Variants in SPDL1 observed in about 807,000 individuals in gnomAD.
SPDL1 encodes the protein spindle apparatus coiled-coil protein 1.
In SPDL1, 85 loss-of-function variants were observed where a neutral mutation model predicts 79.5. The observed-to-expected ratio is 1.07, with a 90% confidence interval of 0.90 to 1.28. The LOEUF is 1.28. Among genes scored for constraint, SPDL1 ranks in the 50% most tolerant of loss-of-function variants. The pLI, the probability that SPDL1 is intolerant of heterozygous loss-of-function variation, is 0.00. For missense variants in SPDL1, 703 were observed against 697.8 expected (o/e 1.01, Z -0.08); for synonymous variants, 269 against 240.3 (o/e 1.12, Z -1.10).
At chr5:169,586,556 A>G (rs1754994124) in intron 1 of SPDL1, among the ~76,000 whole-genome samples, 1 of 152,194 alleles carries the variant, frequency 6.6e-6, no homozygotes, top group Non-Finnish European at 1.5e-5. Flanking sequence ...CATGTTCAAA[A>G]CTCAAATTCC....
In SPDL1 at chr5:169,596,628, T is replaced by G. The variant is rs1208373520; in HGVS notation, c.959T>G (p.Leu320Arg). Residue 320 changes from leucine to arginine, a missense_variant, in exon 8 of 12, where the codon CTT (leucine) becomes CGT (arginine). Transcript: ENST00000265295. ...GAATTTGAGCAGCAGGAACGGTTGC[T>G]TGCCATGTTGGAGCAGAAGAATGGT... ...QTEFEQQERL[L>R]AMLEQKNGEI... 1.2e-6 allele frequency: 2 copies of G among 1,608,502 alleles called. No homozygotes were observed. Among genetic ancestry groups the G allele is most frequent in the Non-Finnish European group, 1.7e-6 (2 of 1,178,428 alleles).
chr5:169,588,323 C>T, intron 1 of SPDL1, 71 bp from the exon 2 acceptor site: 1 of 1,066,764 alleles, frequency 9.4e-7, no homozygotes, highest in African/African-American at 1.6e-5. Context: ...AGATATGTTT[C>T]TTCTGTTATT....
chr5:169,586,227 C>G (rs967031491), intron 1 of SPDL1: 1 of 152,294 alleles, frequency 6.6e-6, no homozygotes, highest in Non-Finnish European at 1.5e-5. Context: ...CCAGAGACCT[C>G]CAGGAATTCA....
intron 8 of SPDL1, among the ~76,000 whole-genome samples, 161 bp from the exon 9 acceptor site, chr5:169,598,315 A>G (rs1021560403): frequency 1.3e-5 from 2 of 152,232 alleles, no homozygotes; most frequent in Non-Finnish European, 2.9e-5. Flanking sequence ...AGGAATGTTA[A>G]TTATTTACCT....
At chr5:169,585,016 C>CA (rs11415643) in intron 1 of SPDL1, among the ~76,000 whole-genome samples, 84,163 of 138,118 alleles carry the variant, frequency 0.61, 24,902 homozygotes, top group East Asian at 0.73. Flanking sequence ...GACTCCGTCT[C>CA]AAAAAAAAAA....
chr5:169,587,114 T>C (rs962064592), intron 1 of SPDL1: 7 of 152,334 alleles, frequency 4.6e-5, no homozygotes, highest in East Asian at 1.9e-4. Context: ...CAGATTCTTA[T>C]TCTGTTCTAT....
intron 1 of SPDL1, 51 bp from the exon 2 acceptor site, chr5:169,588,343 G>T (rs1465632294): frequency 8.0e-7 from 1 of 1,253,054 alleles, no homozygotes; most frequent in Middle Eastern, 2.1e-4. Flanking sequence ...TGATATTATT[G>T]CATGGAGTTT....
intron 10 of SPDL1, 33 bp downstream of exon 10, chr5:169,599,192 A>G: frequency 7.9e-7 from 1 of 1,262,298 alleles, no homozygotes; most frequent in Non-Finnish European, 1.1e-6. Context: ...TGTCTTTTAA[A>G]TTATGAGTAA....
chr5:169,600,254 A>T (rs998229816), intron 10 of SPDL1, among the ~76,000 whole-genome samples: 1 of 152,198 alleles, frequency 6.6e-6, no homozygotes, highest in African/African-American at 2.4e-5. Flanking sequence ...GGTTGCCAAA[A>T]ATAGGAAGGT....
rs368537303 is a variant in SPDL1 at position 169,589,019 on chromosome 5, AT to A, written c.159+452del. Among the ~76,000 whole-genome samples, 340 of 152,002 alleles carry A rather than the reference AT, an allele frequency of 2.2e-3. 1 individual carries two copies. The highest frequency in any genetic ancestry group is 7.7e-3 in the African/African-American group (319 of 41,440). On this transcript the variant is annotated intron_variant, in intron 2 of 11. Coordinates refer to ENST00000265295, the MANE Select transcript of SPDL1 (RefSeq NM_017785.5). ...TCCGTTAACCAAATATTCTTTTACG[AT>A]TTTTTTTAGCTTATTTAGTAAATAT...
In SPDL1 at chr5:169,594,237, T is replaced by TA; in HGVS notation, c.627dup (p.Glu210ArgfsTer15). 1 of 1,614,072 alleles carries TA rather than the reference T, an allele frequency of 6.2e-7. No homozygotes were observed. The highest frequency in any genetic ancestry group is 8.5e-7 in the Non-Finnish European group (1 of 1,179,950). ...ACCTAATGCGCCAGGTAGACCGGCT[T>TA]AAAGAGGAAAAAGAGGAGCGAGAGA... On this transcript the variant is annotated frameshift_variant, in exon 5 of 12. Coordinates refer to ENST00000265295, the MANE Select transcript of SPDL1 (RefSeq NM_017785.5). LOFTEE classifies it high-confidence loss of function.
At chr5:169,600,535 C>T (rs778845317) in intron 10 of SPDL1, among the ~76,000 whole-genome samples, 8 of 152,164 alleles carry the variant, frequency 5.3e-5, no homozygotes, top group Non-Finnish European at 1.0e-4. Context: ...TCAGACTCCA[C>T]TAACATTTTG....
At chr5:169,590,984 T>C (rs1452673988) in intron 2 of SPDL1, 64 bp from the exon 3 acceptor site, 3 of 1,330,690 alleles carry the variant, frequency 2.3e-6, no homozygotes, top group Non-Finnish European at 3.2e-6. Flanking sequence ...AGTTGAAAAC[T>C]GATTGTATGT....
chr5:169,598,767 C>T (rs1174325401), intron 9 of SPDL1, among the ~76,000 whole-genome samples, 188 bp downstream of exon 9: 1 of 152,152 alleles, frequency 6.6e-6, no homozygotes, highest in African/African-American at 2.4e-5. Flanking sequence ...TTGTCCATTT[C>T]CTTTCAAGAA....
chr5:169,594,843 C>A (rs765518067), intron 7 of SPDL1, among the ~76,000 whole-genome samples, 162 bp downstream of exon 7: 1 of 152,064 alleles, frequency 6.6e-6, no homozygotes, highest in African/African-American at 2.4e-5. Context: ...TTAAAAGATT[C>A]ATTTATAGTT....
chr5:169,590,777 T>C, intron 2 of SPDL1: 1 of 509,842 alleles, frequency 2.0e-6, no homozygotes, highest in Non-Finnish European at 3.8e-6. Flanking sequence ...CTTGACGTGT[T>C]GACATACCAT....
At chr5:169,600,141 G>A (rs909780132) in intron 10 of SPDL1, among the ~76,000 whole-genome samples, 5 of 152,136 alleles carry the variant, frequency 3.3e-5, no homozygotes, top group Non-Finnish European at 7.4e-5. Context: ...CATGTTTTAG[G>A]TTAAGGATTC....
Position 169,588,438 on chromosome 5 carries a change from A to G in SPDL1, c.22A>G (p.Asn8Asp), listed in dbSNP as rs144494906. MEADIIT[N>D]LRCRLKEAEE... ...GAACATGGAGGCAGATATAATCACA[A>G]ATCTTCGATGCAGGCTCAAAGAGGC... Residue 8 changes from asparagine (N) to aspartate (D), a missense_variant, in exon 2 of 12, where the codon AAT (asparagine) becomes GAT (aspartate). Coordinates refer to ENST00000265295, the MANE Select transcript of SPDL1 (RefSeq NM_017785.5). The G allele has an allele frequency of 2.6e-4, 424 of 1,611,606 alleles. 1 individual carries two copies. The African/African-American group carries it at 5.1e-3, about 19-fold the overall frequency.
chr5:169,590,570 G>C (rs1302386203), intron 2 of SPDL1, among the ~76,000 whole-genome samples: 2 of 152,140 alleles, frequency 1.3e-5, no homozygotes, highest in Admixed American at 1.3e-4. Context: ...CATTCTGATA[G>C]ACCTTTTGTG....
Sources: allele counts gnomAD v4.1 joint callset (sites outside exome capture counted in the v4.1 genomes callset), GRCh38; gene constraint gnomAD v4.1.1; transcripts MANE v1.5; gene names NCBI Gene and HGNC (gene_info 2026-07-23, HGNC 2026-07-21).